The following MIIP variants were observed in gnomAD, a reference collection of about 807,000 sequenced individuals.
MIIP encodes migration and invasion-inhibitory protein.
A neutral mutation model predicts 44.8 loss-of-function variants in MIIP; 44 were observed. The observed-to-expected ratio is 0.98, with a 90% CI of 0.77 to 1.26. The LOEUF (loss-of-function observed/expected upper bound fraction) is 1.26. Ranked by LOEUF, MIIP falls within the 50% of genes most tolerant of loss-of-function variation. The pLI, the probability that MIIP is intolerant of heterozygous loss-of-function variation, is 0.00. For missense variants in MIIP, 496 were observed against 511.7 expected, an observed-to-expected ratio of 0.97 and a Z score of 0.30; for synonymous variants, 225 against 218.3, an observed-to-expected ratio of 1.03 and a Z score of -0.27.
rs1244090746 is a variant in MIIP at position 12,021,695 on chromosome 1, G to C, written c.-32G>C. 1.3e-6 allele frequency: 2 copies of C among 1,597,280 alleles called. No individual in the cohort carries two copies. Among genetic ancestry groups the C allele is most frequent in the East Asian group, 4.5e-5 (2 of 44,762 alleles). The stretch of plus-strand genomic sequence containing the variant: ...GCCCTGAGGACATCCTGCGGCCCAG[G>C]GGCAAGTGACACCTGCTGAGAGAGG... On this transcript the variant is annotated 5_prime_UTR_variant, in exon 2 of 10. Transcript: ENST00000235332.
At chr1:12,031,461 A>T in intron 9 of MIIP, 58 bp downstream of exon 9, 29 of 1,585,976 alleles carry the variant, frequency 1.8e-5, no homozygotes, top group Non-Finnish European at 2.5e-5. Context: ...GAGACCTCGC[A>T]GCAGGCCTGG....
intron 3 of MIIP, among the ~76,000 whole-genome samples, 157 bp downstream of exon 3, chr1:12,022,599 A>G (rs1640006987): frequency 6.6e-6 from 1 of 152,112 alleles, no homozygotes; most frequent in Non-Finnish European, 1.5e-5. Context: ...AATGCTCGCT[A>G]GGTGGTAGCT....
At chr1:12,022,581 T>C (rs1640006492) in intron 3 of MIIP, 139 bp downstream of exon 3, 1 of 778,764 alleles carries the variant, frequency 1.3e-6, no homozygotes, top group African/African-American at 1.8e-5. Flanking sequence ...TGGGTCTTGC[T>C]CAGCCTAAAT....
intron 4 of MIIP, among the ~76,000 whole-genome samples, chr1:12,027,256 C>T (rs766427304): frequency 1.1e-4 from 16 of 152,266 alleles, no homozygotes; most frequent in Admixed American, 2.0e-4. Context: ...GTGATCTGCC[C>T]GCCTTGGCCT....
Position 12,022,217 on chromosome 1 carries a change from C to T in MIIP, c.237C>T (p.Ala79=). ...CCTCCGTGTGGGGCCCACCAGATGC[C>T]TGTCGAGGGGACCTCCGTGATGTGG... ...GRSSVWGPPD[A]CRGDLRDVAR... The change falls in exon 3 of 10, where the codon GCC becomes GCT. Residue 79 remains alanine (A), a synonymous_variant. Coordinates refer to ENST00000235332, the MANE Select transcript of MIIP (RefSeq NM_021933.4). 2 of 1,613,076 alleles carry T rather than the reference C, an allele frequency of 1.2e-6. No homozygotes were observed. Among genetic ancestry groups the T allele is most frequent in the Non-Finnish European group, 1.7e-6 (2 of 1,179,526 alleles).
Position 12,021,770 on chromosome 1 carries a change from TGGAGCTCCTGAGGCAGCTGTGG to T in MIIP, c.46_67del (p.Glu16TrpfsTer40). 6.2e-7 allele frequency: 1 copy of T among 1,613,202 alleles called. No individual in the cohort carries two copies. Among genetic ancestry groups the T allele is most frequent in the Non-Finnish European group, 8.5e-7 (1 of 1,179,984 alleles). ...CTGGCACAGCTGCGGCTGCTCAATC[TGGAGCTCCTGAGGCAGCTGTGG>T]GTGGGGCAGGATGCTGTGCGGCGGT... is the stretch of plus-strand genomic sequence containing the variant. On this transcript the variant is annotated frameshift_variant, in exon 2 of 10. Coordinates refer to ENST00000235332, the MANE Select transcript of MIIP (RefSeq NM_021933.4). LOFTEE classifies it high-confidence loss of function.
intron 4 of MIIP, among the ~76,000 whole-genome samples, chr1:12,026,926 G>T (rs538306061): frequency 1.3e-5 from 2 of 151,920 alleles, no homozygotes; most frequent in Non-Finnish European, 2.9e-5. Context: ...CTGTTTTCTC[G>T]ATAACAAAAC....
At chr1:12,025,655 C>T (rs1640090782) in intron 4 of MIIP, among the ~76,000 whole-genome samples, 1 of 152,200 alleles carries the variant, frequency 6.6e-6, no homozygotes, top group African/African-American at 2.4e-5. Flanking sequence ...ATGATCTGGC[C>T]TCTACTGGCC....
intron 4 of MIIP, among the ~76,000 whole-genome samples, chr1:12,025,118 G>A (rs1255942262): frequency 6.7e-6 from 1 of 149,592 alleles, no homozygotes; most frequent in East Asian, 2.0e-4. Flanking sequence ...GGAGTGCAGT[G>A]GTGTGATCTC....
chr1:12,031,456 C>G, intron 9 of MIIP, 53 bp downstream of exon 9: 1 of 1,588,440 alleles, frequency 6.3e-7, no homozygotes, highest in Non-Finnish European at 8.6e-7. Context: ...GGACAGAGAC[C>G]TCGCAGCAGG....
intron 6 of MIIP, chr1:12,029,505 C>A: frequency 1.5e-6 from 1 of 683,890 alleles, no homozygotes; most frequent in Non-Finnish European, 2.4e-6. Flanking sequence ...CTGTGTGGCA[C>A]CATCCCACCC....
rs746132806 is a variant in MIIP at position 12,029,887 on chromosome 1, C to A, written c.838C>A (p.His280Asn). 1.9e-6 allele frequency: 3 copies of A among 1,612,826 alleles called. No individual in the cohort carries two copies. Among genetic ancestry groups the A allele is most frequent in the Non-Finnish European group, 2.5e-6 (3 of 1,179,278 alleles). ...QGPGTLAQPA[H>N]VRVSIPLSIL... is the part of the protein sequence containing the mutation. ...CCCTGGGACCCTGGCGCAGCCAGCGCACGTCAGGTGAGTGACCAGAGTATT... is the reference window on the plus strand; with the variant it reads ...CCCTGGGACCCTGGCGCAGCCAGCGAACGTCAGGTGAGTGACCAGAGTATT... Residue 280 changes from histidine to asparagine, a missense_variant, in exon 7 of 10, where the codon CAC becomes AAC. His to Asn is a moderately conservative substitution (Grantham distance 68). Coordinates refer to ENST00000235332, the MANE Select transcript of MIIP (RefSeq NM_021933.4).
chr1:12,029,222 G>GACC lies in MIIP; in HGVS notation c.657_659dup (p.Pro220dup). ...CCTGCTCATCCCCCTCGCCCTCTCA[G>GACC]ACCCCAGTTGCCAGGCCTGCGTGAG... is the stretch of plus-strand genomic sequence containing the variant. On this transcript the variant is annotated inframe_insertion and splice_region_variant. Transcript: ENST00000235332. 1.2e-6 allele frequency: 2 copies of GACC among 1,613,694 alleles called. No homozygotes were observed. The highest frequency in any genetic ancestry group is 1.7e-6 in the Non-Finnish European group (2 of 1,179,874).
Position 12,032,027 on chromosome 1 carries a change from T to C in MIIP, c.*219T>C. On this transcript the variant is annotated 3_prime_UTR_variant, in exon 10 of 10. Transcript: ENST00000235332. ...TTCTGTGGAAGTTTGTAAATAAAGC[T>C]CAGTGCTCTGCAGCTCAAGTCCCAC... 1 of 591,152 alleles carries C rather than the reference T, an allele frequency of 1.7e-6. No homozygotes were observed. Among genetic ancestry groups the C allele is most frequent in the Non-Finnish European group, 3.0e-6 (1 of 332,298 alleles). The allele number at this position is 591,152 out of a possible 1,614,324, so 36.6% of individuals were successfully genotyped here.
rs758078929 is a variant in MIIP at position 12,029,263 on chromosome 1, G to A, written c.697G>A (p.Val233Met). The change falls in exon 6 of 10, where the codon GTG (valine) becomes ATG (methionine). Residue 233 changes from valine to methionine, a missense_variant. Transcript: ENST00000235332. ...CCTGCGTGAGAGCAGTGGCAGCGGC[G>A]TGGAGGAAGACCATGAATGTGAGTG... ...PGLRESSGSG[V>M]EEDHECVYCY... 17 of 1,613,380 alleles carry A rather than the reference G, an allele frequency of 1.1e-5. No individual in the cohort carries two copies. The highest frequency in any genetic ancestry group is 2.2e-5 in the East Asian group (1 of 44,902).
In MIIP at chr1:12,029,794, C is replaced by G; in HGVS notation, c.745C>G (p.Leu249Val). ...CVYCYRVNRR[L>V]FPVPVDPGTP... ...GTACTGTTACCGTGTCAACCGGCGC[C>G]TGTTCCCGGTGCCTGTGGATCCCGG... Residue 249 changes from leucine (L) to valine (V), a missense_variant, in exon 7 of 10, where the codon CTG (leucine) becomes GTG (valine). Leu to Val is a conservative substitution (Grantham distance 32). Transcript: ENST00000235332. The G allele has an allele frequency of 1.9e-6, 3 of 1,613,270 alleles. No homozygotes were observed. Among genetic ancestry groups the G allele is most frequent in the Non-Finnish European group, 1.7e-6 (2 of 1,179,486 alleles).
In MIIP at chr1:12,029,792, G is replaced by T; in HGVS notation, c.743G>T (p.Arg248Leu). The T allele has an allele frequency of 6.2e-7, 1 of 1,613,218 alleles. No individual in the cohort carries two copies. Among genetic ancestry groups the T allele is most frequent in the Non-Finnish European group, 8.5e-7 (1 of 1,179,464 alleles). Residue 248 changes from arginine to leucine, a missense_variant, in exon 7 of 10, where the codon CGC becomes CTC. Physicochemically the swap from Arg to Leu is moderately radical, Grantham distance 102 (BLOSUM62 -2). Coordinates refer to ENST00000235332, the MANE Select transcript of MIIP (RefSeq NM_021933.4). ...GTGTACTGTTACCGTGTCAACCGGC[G>T]CCTGTTCCCGGTGCCTGTGGATCCC... ...ECVYCYRVNR[R>L]LFPVPVDPGT...
intron 1 of MIIP, among the ~76,000 whole-genome samples, chr1:12,020,499 GCTTT>G (rs1639947669): frequency 6.6e-6 from 1 of 152,186 alleles, no homozygotes; most frequent in African/African-American, 2.4e-5. Flanking sequence ...TGTACTGAGT[GCTTT>G]GTTTTTTGTA....
In MIIP at chr1:12,022,903, A is replaced by G. The variant is rs752194445; in HGVS notation, c.533A>G (p.Tyr178Cys). 5.0e-6 allele frequency: 8 copies of G among 1,610,044 alleles called. No homozygotes were observed. The African/African-American group carries it at 6.7e-5, about 13-fold the overall frequency. Reference protein sequence around the residue: ...RSWRLRPYLGYDWIAGSLDTS... With the variant: ...RSWRLRPYLGCDWIAGSLDTS... ...TGGCGCCTCAGGCCATACCTGGGCT[A>G]TGACTGGATTGCAGGTAAGGCGTGC... The change falls in exon 4 of 10, where the codon TAT becomes TGT. Residue 178 changes from tyrosine to cysteine, a missense_variant. By Grantham distance (194) the Tyr-to-Cys change is radical. Coordinates refer to ENST00000235332, the MANE Select transcript of MIIP (RefSeq NM_021933.4).
Sources: gnomAD v4.1 joint callset for allele counts (sites outside exome capture counted in the v4.1 genomes callset) on GRCh38, gnomAD v4.1.1 for gene constraint, MANE v1.5 for transcripts, NCBI Gene and HGNC (gene_info 2026-07-23, HGNC 2026-07-21) for gene names.